Variants in OR10J1 observed in about 807,000 individuals in gnomAD.
The protein encoded by OR10J1 is olfactory receptor 10J1.
For missense variants in OR10J1, 474 were observed against 376.6 expected, an observed-to-expected ratio of 1.26 and a Z score of -2.14; for synonymous variants, 202 against 143.8, an observed-to-expected ratio of 1.40 and a Z score of -2.89.
the OR10J1 span, chr1:159,432,503 T>C: frequency 2.3e-6 from 1 of 441,616 alleles, no homozygotes; most frequent in Admixed American, 3.7e-5. Flanking sequence ...GCTGTGCCGC[T>C]CAGCTCTTTT....
the OR10J1 span, among the ~76,000 whole-genome samples, chr1:159,416,107 A>G: frequency 6.6e-6 from 1 of 151,944 alleles, no homozygotes; most frequent in Non-Finnish European, 1.5e-5. Context: ...GTTTTTCTAG[A>G]TGTAAGATTA....
chr1:159,439,909 G>A lies in OR10J1; in HGVS notation c.118G>A (p.Ala40Thr). The part of the protein sequence containing the change: ...VFLALYILTL[A>T]GNIIIVTIIR... Reference sequence around the variant, plus strand: ...CCTTGCACTATACATCTTAACCTTAGCAGGCAATATCATCATTGTGACCAT... The same window carrying A: ...CCTTGCACTATACATCTTAACCTTAACAGGCAATATCATCATTGTGACCAT... Residue 40 changes from alanine to threonine, a missense_variant, in exon 1 of 1, where the codon GCA (alanine) becomes ACA (threonine). Ala to Thr is a moderately conservative substitution (Grantham distance 58). Transcript: ENST00000423932. 6.2e-7 allele frequency: 1 copy of A among 1,614,112 alleles called. No individual in the cohort carries two copies. Among genetic ancestry groups the A allele is most frequent in the Non-Finnish European group, 8.5e-7 (1 of 1,180,016 alleles).
At chr1:159,426,200 C>A in the OR10J1 span, among the ~76,000 whole-genome samples, 1 of 151,526 alleles carries the variant, frequency 6.6e-6, no homozygotes, top group African/African-American at 2.4e-5. Context: ...AAGTAATATT[C>A]AAAAATTTAT....
At chr1:159,430,296 C>G in the OR10J1 span, among the ~76,000 whole-genome samples, 2 of 152,028 alleles carry the variant, frequency 1.3e-5, no homozygotes, top group African/African-American at 4.8e-5. Context: ...CTCCGCAGCC[C>G]TCAACAAACC....
the OR10J1 span, among the ~76,000 whole-genome samples, chr1:159,401,651 G>A: frequency 2.9e-4 from 44 of 151,960 alleles, no homozygotes; most frequent in Non-Finnish European, 4.1e-4. Context: ...TGGCTTCACT[G>A]CTGAATTCTA....
At chr1:159,421,388 A>ATTTGCCTTT in the OR10J1 span, among the ~76,000 whole-genome samples, 1 of 150,982 alleles carries the variant, frequency 6.6e-6, no homozygotes, top group East Asian at 1.9e-4. Context: ...TTTTTTGGGG[A>ATTTGCCTTT]TTTGGCAAAT....
At chr1:159,404,496 A>T in the OR10J1 span, among the ~76,000 whole-genome samples, 1 of 152,238 alleles carries the variant, frequency 6.6e-6, no homozygotes, top group African/African-American at 2.4e-5. Flanking sequence ...TTACAGCTCA[A>T]ACATCATAGG....
the OR10J1 span, among the ~76,000 whole-genome samples, chr1:159,404,960 C>T: frequency 1.7e-4 from 26 of 152,058 alleles, no homozygotes; most frequent in Admixed American, 3.9e-4. Context: ...GTGTGATAAA[C>T]GGTAATTCCC....
chr1:159,409,325 C>T, the OR10J1 span, among the ~76,000 whole-genome samples: 1 of 152,078 alleles, frequency 6.6e-6, no homozygotes, highest in Non-Finnish European at 1.5e-5. Context: ...TTTCTTTTGA[C>T]TGCTCACCGA....
At chr1:159,409,492 A>G in the OR10J1 span, among the ~76,000 whole-genome samples, 1 of 151,944 alleles carries the variant, frequency 6.6e-6, no homozygotes, top group East Asian at 1.9e-4. Context: ...TTATTTTGCA[A>G]TTTCTCACTG....
chr1:159,440,076 A>C lies in OR10J1; in HGVS notation c.285A>C (p.Ala95=), dbSNP rs140782298. 1.2e-6 allele frequency: 2 copies of C among 1,614,130 alleles called. No homozygotes were observed. The highest frequency in any genetic ancestry group is 3.3e-5 in the Admixed American group (2 of 59,986). ...GTATGAGCCAGCCCATATCATTGGCAGGGTGTGCCACACAGATGTTCTTTT... is the reference window on the plus strand; with the variant it reads ...GTATGAGCCAGCCCATATCATTGGCCGGGTGTGCCACACAGATGTTCTTTT... The part of the protein sequence containing the change: ...LVGMSQPISL[A]GCATQMFFFV... Residue 95 remains alanine (A), a synonymous_variant, in exon 1 of 1, where the codon GCA becomes GCC. Coordinates refer to ENST00000423932, the MANE Select transcript of OR10J1 (RefSeq NM_012351.3).
the OR10J1 span, among the ~76,000 whole-genome samples, chr1:159,424,216 CAA>C: frequency 5.1e-5 from 5 of 98,424 alleles, no homozygotes; most frequent in Admixed American, 1.1e-4. Flanking sequence ...ACTCCATCTC[CAA>C]AAAAAAAAAA....
chr1:159,419,038 C>T, the OR10J1 span, among the ~76,000 whole-genome samples: 3 of 152,190 alleles, frequency 2.0e-5, no homozygotes, highest in Admixed American at 6.5e-5. Flanking sequence ...ATGCTTGCAA[C>T]CCCATTGTAC....
the OR10J1 span, among the ~76,000 whole-genome samples, chr1:159,405,206 T>G: frequency 6.6e-6 from 1 of 152,140 alleles, no homozygotes; most frequent in Non-Finnish European, 1.5e-5. Flanking sequence ...CTTTCCATTT[T>G]CACCTCTGAA....
the OR10J1 span, among the ~76,000 whole-genome samples, chr1:159,404,597 G>A: frequency 6.6e-6 from 1 of 152,086 alleles, no homozygotes; most frequent in South Asian, 2.1e-4. Context: ...CCCCTAAAAT[G>A]GGTAGACACG....
At chr1:159,405,558 T>C in the OR10J1 span, 4,902 of 354,742 alleles carry the variant, frequency 0.014, 192 homozygotes, top group African/African-American at 0.079. Context: ...CTGAGATGAG[T>C]CTGTTCTGCC....
the OR10J1 span, among the ~76,000 whole-genome samples, chr1:159,418,343 T>C: frequency 1.3e-5 from 2 of 152,078 alleles, no homozygotes; most frequent in African/African-American, 4.8e-5. Flanking sequence ...CTGGGCCAGC[T>C]CCAGGGACCC....
the OR10J1 span, among the ~76,000 whole-genome samples, chr1:159,409,460 C>T: frequency 6.6e-6 from 1 of 152,008 alleles, no homozygotes; most frequent in African/African-American, 2.4e-5. Context: ...AAGCATACTC[C>T]GTACTCTCTT....
At chr1:159,413,438 C>A in the OR10J1 span, among the ~76,000 whole-genome samples, 10 of 151,932 alleles carry the variant, frequency 6.6e-5, no homozygotes, top group East Asian at 1.9e-4. Context: ...TGGAACCAAC[C>A]CAAATGTCCA....
Sources: allele counts gnomAD v4.1 joint callset (sites outside exome capture counted in the v4.1 genomes callset), GRCh38; gene constraint gnomAD v4.1.1; transcripts MANE v1.5; gene names NCBI Gene and HGNC (gene_info 2026-07-23, HGNC 2026-07-21).